Variants in CFAP61 observed in about 807,000 individuals in gnomAD.
CFAP61 encodes cilia- and flagella-associated protein 61.
CFAP61 carries 107 observed loss-of-function variants against 135.6 expected under a neutral mutation model. That is an observed-to-expected ratio of 0.79 (90% CI 0.67 to 0.93). The LOEUF (loss-of-function observed/expected upper bound fraction) is 0.93. CFAP61 is among the 40% of genes least tolerant of loss of function. CFAP61 has a pLI of 0.00. For missense variants in CFAP61, 1,507 were observed against 1,556.2 expected, an observed-to-expected ratio of 0.97 and a Z score of 0.53; for synonymous variants, 575 against 578.5, an observed-to-expected ratio of 0.99 and a Z score of 0.09.
rs79856135 is a variant in CFAP61 at position 20,100,951 on chromosome 20, T to C, written c.859+2137T>C. The stretch of plus-strand genomic sequence containing the variant: ...TAAGTAAAAGAAATAGGAAAACTTA[T>C]CTTCTGTGCCTTGTTTATTTTTGAA... On this transcript the variant is annotated intron_variant, in intron 8 of 26. Transcript: ENST00000245957. 4.8e-3 allele frequency among the ~76,000 whole-genome samples: 732 copies of C among 152,344 alleles called. 4 individuals are homozygous for C. Among genetic ancestry groups the C allele is most frequent in the African/African-American group, 0.017 (696 of 41,568 alleles).
chr20:20,177,010 A>G (rs4814952), intron 13 of CFAP61, among the ~76,000 whole-genome samples: 137,113 of 151,886 alleles, frequency 0.9, 62,716 homozygotes, highest in Middle Eastern at 0.99. Context: ...AGACAATTTT[A>G]GAAGTTTAAA....
chr20:20,280,872 T>C (rs1453937320), intron 22 of CFAP61, among the ~76,000 whole-genome samples: 1 of 152,240 alleles, frequency 6.6e-6, no homozygotes, highest in Non-Finnish European at 1.5e-5. Context: ...CACGTTCTTG[T>C]CAGCACTTGG....
At chr20:20,199,670 C>A in intron 16 of CFAP61, 98 bp from the exon 17 acceptor site, 1 of 1,364,422 alleles carries the variant, frequency 7.3e-7, no homozygotes, top group Non-Finnish European at 1.0e-6. Context: ...TCTGACTTGG[C>A]CGAGTTAAGA....
chr20:20,141,598 G>A (rs535173961), intron 8 of CFAP61, among the ~76,000 whole-genome samples: 1 of 152,180 alleles, frequency 6.6e-6, no homozygotes, highest in South Asian at 2.1e-4. Context: ...GTACCTCTTC[G>A]ACTATGCCAT....
intron 15 of CFAP61, among the ~76,000 whole-genome samples, chr20:20,191,672 TCCA>T (rs1184821736): frequency 6.6e-6 from 1 of 152,150 alleles, no homozygotes; most frequent in East Asian, 1.9e-4. Flanking sequence ...CAGATAGCTT[TCCA>T]CCACCTATAC....
chr20:20,064,808 C>T (rs1011022082), intron 2 of CFAP61, among the ~76,000 whole-genome samples: 1 of 152,072 alleles, frequency 6.6e-6, no homozygotes, highest in Non-Finnish European at 1.5e-5. Flanking sequence ...TCTCTCCACC[C>T]CCGTCAAAAT....
At position 20,098,830 on chromosome 20, in the gene CFAP61, C is replaced by A. The variant is rs2047789945; in HGVS notation, c.859+16C>A. ...AGAAGTCAAGGTACAGTGGCTATCA[C>A]AGGGACACACTGGGAAATTAAATCT... On this transcript the variant is annotated intron_variant, in intron 8 of 26. Coordinates refer to ENST00000245957, the MANE Select transcript of CFAP61 (RefSeq NM_015585.4). The A allele has an allele frequency of 6.2e-7, 1 of 1,602,100 alleles. No homozygotes were observed. Among genetic ancestry groups the A allele is most frequent in the Admixed American group, 1.7e-5 (1 of 57,758 alleles).
At chr20:20,297,876 A>C (rs972776149) in intron 24 of CFAP61, among the ~76,000 whole-genome samples, 1 of 152,266 alleles carries the variant, frequency 6.6e-6, no homozygotes, top group Non-Finnish European at 1.5e-5. Context: ...GAATAAACCC[A>C]GTTCCACTTA....
intron 21 of CFAP61, among the ~76,000 whole-genome samples, chr20:20,275,310 G>C (rs2053667065): frequency 6.6e-6 from 1 of 152,188 alleles, no homozygotes; most frequent in African/African-American, 2.4e-5. Context: ...TTTTGACGTG[G>C]TTTGCTATGC....
At chr20:20,141,123 G>C (rs1333201903) in intron 8 of CFAP61, among the ~76,000 whole-genome samples, 3 of 152,078 alleles carry the variant, frequency 2.0e-5, no homozygotes, top group African/African-American at 7.2e-5. Flanking sequence ...GTTTCATCAT[G>C]TTGGTCAGGC....
At chr20:20,140,477 G>A (rs1014687968) in intron 8 of CFAP61, among the ~76,000 whole-genome samples, 5 of 151,592 alleles carry the variant, frequency 3.3e-5, no homozygotes, top group African/African-American at 1.2e-4. Flanking sequence ...AGTTTACTGA[G>A]AATGATGATT....
intron 25 of CFAP61, among the ~76,000 whole-genome samples, chr20:20,309,990 C>CTTTGTT (rs936819824): frequency 2.6e-4 from 40 of 152,000 alleles, no homozygotes; most frequent in African/African-American, 9.7e-4. Context: ...TATTAATTAA[C>CTTTGTT]TTTGTTTTTG....
chr20:20,111,924 G>A (rs1482092515), intron 8 of CFAP61, among the ~76,000 whole-genome samples: 1 of 152,092 alleles, frequency 6.6e-6, no homozygotes, highest in Non-Finnish European at 1.5e-5. Context: ...CTCCACTAGA[G>A]TTTTGGAATA....
At chr20:20,302,679 G>A (rs746951111) in intron 25 of CFAP61, among the ~76,000 whole-genome samples, 1 of 150,886 alleles carries the variant, frequency 6.6e-6, no homozygotes, top group Non-Finnish European at 1.5e-5. Context: ...AAAATAAAAA[G>A]TTAAGTAGGG....
At chr20:20,092,720 A>G (rs556570678) in intron 7 of CFAP61, among the ~76,000 whole-genome samples, 1 of 152,354 alleles carries the variant, frequency 6.6e-6, no homozygotes, top group African/African-American at 2.4e-5. Context: ...ACAACTGGCC[A>G]ATAAGCACAT....
chr20:20,142,114 C>T (rs1324145363), intron 8 of CFAP61, among the ~76,000 whole-genome samples: 2 of 151,636 alleles, frequency 1.3e-5, no homozygotes, highest in African/African-American at 4.8e-5. Context: ...GGAGAGATTA[C>T]AAAAGAGAAA....
intron 8 of CFAP61, among the ~76,000 whole-genome samples, chr20:20,103,250 A>G (rs2048148653): frequency 6.6e-6 from 1 of 152,176 alleles, no homozygotes; most frequent in Non-Finnish European, 1.5e-5. Flanking sequence ...CTGAATCTAA[A>G]ATGTTTAACT....
chr20:20,099,891 C>T (rs77594041), intron 8 of CFAP61, among the ~76,000 whole-genome samples: 2,297 of 152,258 alleles, frequency 0.015, 21 homozygotes, highest in South Asian at 0.052. Context: ...ACCCCGTGCA[C>T]AGTGTCTAGA....
chr20:20,176,932 A>G (rs188044124), intron 13 of CFAP61, among the ~76,000 whole-genome samples: 115 of 152,318 alleles, frequency 7.5e-4, no homozygotes, highest in African/African-American at 2.6e-3. Context: ...GATTTTCTAT[A>G]AAACATATAA....
Sources: allele counts gnomAD v4.1 joint callset (sites outside exome capture counted in the v4.1 genomes callset), GRCh38; gene constraint gnomAD v4.1.1; transcripts MANE v1.5; gene names NCBI Gene and HGNC (gene_info 2026-07-23, HGNC 2026-07-21).